The following EEFSEC variants were observed in gnomAD, a reference collection of about 807,000 sequenced individuals.
The protein encoded by EEFSEC is selenocysteine-specific elongation factor.
Under a neutral mutation model 42.1 loss-of-function variants are expected in EEFSEC, and 43 were observed. That is an observed-to-expected ratio of 1.02 (90% confidence interval 0.80 to 1.32). The LOEUF (loss-of-function observed/expected upper bound fraction) is 1.32, where lower values mean the gene tolerates loss of function less well. Ranked by LOEUF, EEFSEC falls within the 40% of genes most tolerant of loss-of-function variation. The pLI is 0.00. For missense variants in EEFSEC, 745 were observed against 803.6 expected, an observed-to-expected ratio of 0.93 and a Z score of 0.88; for synonymous variants, 354 against 339.1, an observed-to-expected ratio of 1.04 and a Z score of -0.48.
intron 1 of EEFSEC, among the ~76,000 whole-genome samples, chr3:128,163,457 C>G (rs1012685728): frequency 6.6e-6 from 1 of 152,030 alleles, no homozygotes; most frequent in Non-Finnish European, 1.5e-5. Flanking sequence ...GCCTGGCATA[C>G]AGCAGATAAT....
intron 6 of EEFSEC, among the ~76,000 whole-genome samples, chr3:128,384,781 G>T (rs766190293): frequency 1.3e-5 from 2 of 152,178 alleles, no homozygotes; most frequent in Non-Finnish European, 2.9e-5. Context: ...GTGCACAGGG[G>T]TTTCCTCACT....
intron 1 of EEFSEC, among the ~76,000 whole-genome samples, chr3:128,195,043 C>T (rs1161113820): frequency 2.0e-5 from 3 of 152,154 alleles, no homozygotes; most frequent in Non-Finnish European, 4.4e-5. Context: ...TCCTCCCACC[C>T]CTCCCCTTCT....
chr3:128,292,425 G>A (rs1264398016), intron 4 of EEFSEC, among the ~76,000 whole-genome samples: 10 of 151,600 alleles, frequency 6.6e-5, no homozygotes, highest in African/African-American at 1.9e-4. Context: ...GGAATAATTC[G>A]CCAATGAAGC....
intron 1 of EEFSEC, among the ~76,000 whole-genome samples, chr3:128,215,549 G>A (rs1265345045): frequency 6.6e-6 from 1 of 152,176 alleles, no homozygotes; most frequent in East Asian, 1.9e-4. Flanking sequence ...ATGCTATAAA[G>A]CTATTAAAAT....
intron 1 of EEFSEC, among the ~76,000 whole-genome samples, chr3:128,242,095 T>C (rs1019284148): frequency 6.6e-6 from 1 of 152,150 alleles, no homozygotes; most frequent in African/African-American, 2.4e-5. Context: ...GGTGGGAGGA[T>C]CTATTGAGGC....
chr3:128,322,195 G>A (rs1218846877), intron 4 of EEFSEC, among the ~76,000 whole-genome samples: 2 of 152,236 alleles, frequency 1.3e-5, no homozygotes, highest in African/African-American at 4.8e-5. Context: ...TCCTGGGGCT[G>A]TTGCCATGAC....
At chr3:128,305,864 A>C (rs1185339849) in intron 4 of EEFSEC, among the ~76,000 whole-genome samples, 1 of 152,200 alleles carries the variant, frequency 6.6e-6, no homozygotes, top group Non-Finnish European at 1.5e-5. Flanking sequence ...TTAAAGACTA[A>C]ATACATTGAT....
rs142529528 is a variant in EEFSEC at position 128,357,162 on chromosome 3, G to A, written c.1444-1055G>A. Reference sequence around the variant, plus strand: ...ATCTACAGAGCAGGGGTGGGGTGAGGAGCTGGGTGGGGCAGGCAAGGCCAC... The same window carrying A: ...ATCTACAGAGCAGGGGTGGGGTGAGAAGCTGGGTGGGGCAGGCAAGGCCAC... On this transcript the variant is annotated intron_variant, in intron 5 of 6. Transcript: ENST00000254730. 3.2e-3 allele frequency among the ~76,000 whole-genome samples: 489 copies of A among 152,326 alleles called. 1 individual carries two copies. Among genetic ancestry groups the A allele is most frequent in the Non-Finnish European group, 5.8e-3 (393 of 68,022 alleles).
At chr3:128,157,284 G>A (rs555600887) in intron 1 of EEFSEC, among the ~76,000 whole-genome samples, 138 of 152,306 alleles carry the variant, frequency 9.1e-4, no homozygotes, top group Non-Finnish European at 1.6e-3. Flanking sequence ...TGAGGAAAGA[G>A]GCCATCTCCA....
intron 4 of EEFSEC, among the ~76,000 whole-genome samples, chr3:128,297,861 A>T (rs1222299800): frequency 6.6e-6 from 1 of 152,224 alleles, no homozygotes; most frequent in Admixed American, 6.5e-5. Flanking sequence ...AATTTTGCTG[A>T]AATAGTCCAT....
At chr3:128,154,234 G>A (rs1205009669) in intron 1 of EEFSEC, among the ~76,000 whole-genome samples, 3 of 152,052 alleles carry the variant, frequency 2.0e-5, no homozygotes, top group Non-Finnish European at 4.4e-5. Flanking sequence ...GCCAACCGCT[G>A]CTACCAGTTT....
At chr3:128,313,949 A>G (rs1344469239) in intron 4 of EEFSEC, among the ~76,000 whole-genome samples, 3 of 152,140 alleles carry the variant, frequency 2.0e-5, no homozygotes, top group Non-Finnish European at 4.4e-5. Flanking sequence ...GTGGAAGCTT[A>G]TGTATCTCCC....
intron 6 of EEFSEC, among the ~76,000 whole-genome samples, chr3:128,389,869 A>G (rs1446686335): frequency 6.6e-6 from 1 of 152,260 alleles, no homozygotes; most frequent in African/African-American, 2.4e-5. Flanking sequence ...TAGCCGGTCA[A>G]GCCTAGCCCA....
chr3:128,176,059 T>G (rs2065344827), intron 1 of EEFSEC, among the ~76,000 whole-genome samples: 1 of 152,248 alleles, frequency 6.6e-6, no homozygotes, highest in Admixed American at 6.5e-5. Context: ...AGTATTTATC[T>G]CAGTGTATGG....
chr3:128,354,028 C>A (rs1226812301), intron 5 of EEFSEC, among the ~76,000 whole-genome samples: 4 of 152,112 alleles, frequency 2.6e-5, no homozygotes, highest in Admixed American at 2.6e-4. Flanking sequence ...CCTGGGGCAG[C>A]CATGCCCAGA....
At chr3:128,208,597 T>A (rs2065724708) in intron 1 of EEFSEC, among the ~76,000 whole-genome samples, 1 of 152,200 alleles carries the variant, frequency 6.6e-6, no homozygotes, top group South Asian at 2.1e-4. Flanking sequence ...GATGAATGCC[T>A]TGCTCCTCAG....
At chr3:128,302,174 T>C (rs1013790707) in intron 4 of EEFSEC, among the ~76,000 whole-genome samples, 1 of 152,166 alleles carries the variant, frequency 6.6e-6, no homozygotes, top group East Asian at 1.9e-4. Flanking sequence ...GTCGGGGGTA[T>C]GGGGCTGGGA....
chr3:128,342,021 G>T, intron 5 of EEFSEC, 132 bp downstream of exon 5: 2 of 1,275,564 alleles, frequency 1.6e-6, no homozygotes, highest in Non-Finnish European at 2.1e-6. Context: ...TGTAGTTTCT[G>T]TACAAGGCAT....
chr3:128,287,549 A>C (rs1169534696), intron 4 of EEFSEC, among the ~76,000 whole-genome samples: 1 of 152,256 alleles, frequency 6.6e-6, no homozygotes, highest in Non-Finnish European at 1.5e-5. Context: ...GGAGGAAAGA[A>C]TGAGGTGGTG....
Sources: allele counts gnomAD v4.1 joint callset (sites outside exome capture counted in the v4.1 genomes callset), GRCh38; gene constraint gnomAD v4.1.1; transcripts MANE v1.5; gene names NCBI Gene and HGNC (gene_info 2026-07-23, HGNC 2026-07-21).